Variants in NCALD observed in about 807,000 individuals in gnomAD.
NCALD encodes neurocalcin-delta.
NCALD carries 10 observed loss-of-function variants against 18.6 expected under a neutral mutation model. The ratio of observed to expected loss-of-function variants is 0.54; its 90% CI spans 0.33 to 0.91. The LOEUF (loss-of-function observed/expected upper bound fraction) is 0.91, where lower values mean the gene tolerates loss of function less well. Among genes scored for constraint, NCALD ranks in the 40% least tolerant of loss-of-function variants. NCALD has a pLI of 0.03. For synonymous variants in NCALD, 88 were observed against 87.4 expected, an observed-to-expected ratio of 1.01 and a Z score of -0.04; for missense variants, 184 against 247.6, an observed-to-expected ratio of 0.74 and a Z score of 1.72.
Position 101,781,698 on chromosome 8 carries a change from C to T in NCALD, c.-20+9164G>A, listed in dbSNP as rs1812018734. On this transcript the variant is annotated intron_variant, in intron 1 of 3. Transcript: ENST00000220931. ...AGGGACAGTACTAATCTGTGTGCTA[C>T]TAGAGTGAAATTATCATCAATATCA... 2.0e-5 allele frequency among the ~76,000 whole-genome samples: 3 copies of T among 152,254 alleles called. No homozygotes were observed. In the South Asian group the frequency reaches 6.2e-4, roughly 32 times the overall value.
At chr8:101,907,555 AAATAG>A (rs1817651707) in intron 3 of NCALD, among the ~76,000 whole-genome samples, 1 of 151,618 alleles carries the variant, frequency 6.6e-6, no homozygotes, top group East Asian at 1.9e-4. Context: ...TTATTTAATA[AAATAG>A]TGGCACTTAG....
chr8:101,815,611 C>T (rs1813466280), intron 4 of NCALD, among the ~76,000 whole-genome samples: 1 of 152,102 alleles, frequency 6.6e-6, no homozygotes, highest in Admixed American at 6.6e-5. Flanking sequence ...TACAACACAT[C>T]TATTAGAACG....
intron 1 of NCALD, among the ~76,000 whole-genome samples, chr8:102,045,140 G>A (rs2132194103): frequency 6.6e-6 from 1 of 152,316 alleles, no homozygotes; most frequent in East Asian, 1.9e-4. Context: ...ATAACTAGAA[G>A]GAATCAAGTT....
chr8:101,854,158 G>A (rs888650547), intron 4 of NCALD, among the ~76,000 whole-genome samples: 6 of 152,150 alleles, frequency 3.9e-5, no homozygotes, highest in African/African-American at 1.4e-4. Flanking sequence ...ATTCCCTTAT[G>A]CCAACGAGGT....
At chr8:101,990,510 C>T (rs867333312) in intron 2 of NCALD, among the ~76,000 whole-genome samples, 2 of 152,108 alleles carry the variant, frequency 1.3e-5, no homozygotes, top group African/African-American at 2.4e-5. Context: ...CGGGGGGACC[C>T]GGTAGGAGGT....
chr8:101,811,953 T>G (rs1263637302), intron 4 of NCALD, among the ~76,000 whole-genome samples: 1 of 152,214 alleles, frequency 6.6e-6, no homozygotes, highest in Non-Finnish European at 1.5e-5. Context: ...ATCAAAGAAC[T>G]GCACTGCTCT....
At chr8:101,871,044 G>A (rs576504253) in intron 4 of NCALD, among the ~76,000 whole-genome samples, 3 of 152,026 alleles carry the variant, frequency 2.0e-5, no homozygotes, top group Non-Finnish European at 4.4e-5. Context: ...CCTAGTTGAG[G>A]TTCTAGAAAA....
At chr8:102,111,561 A>C (rs1335546720) in intron 1 of NCALD, among the ~76,000 whole-genome samples, 1 of 152,090 alleles carries the variant, frequency 6.6e-6, no homozygotes, top group African/African-American at 2.4e-5. Flanking sequence ...ATAACAACGC[A>C]AAAGAGTGAG....
chr8:101,739,515 C>G (rs1349214516), intron 1 of NCALD, among the ~76,000 whole-genome samples: 1 of 152,114 alleles, frequency 6.6e-6, no homozygotes, highest in African/African-American at 2.4e-5. Context: ...GAGAGGCAGA[C>G]CCATCCTCAA....
chr8:102,105,949 C>T (rs1025933755), intron 1 of NCALD, among the ~76,000 whole-genome samples: 1 of 152,144 alleles, frequency 6.6e-6, no homozygotes, highest in African/African-American at 2.4e-5. Flanking sequence ...GGAACAGTGT[C>T]TGGCACATAG....
chr8:101,798,668 A>G (rs1019633131), intron 4 of NCALD, among the ~76,000 whole-genome samples: 4 of 152,244 alleles, frequency 2.6e-5, no homozygotes, highest in African/African-American at 9.6e-5. Context: ...TCTGAAATTT[A>G]TTTTGAAAAA....
intron 1 of NCALD, among the ~76,000 whole-genome samples, chr8:102,119,268 T>G (rs1049728477): frequency 5.3e-5 from 8 of 152,206 alleles, no homozygotes; most frequent in Non-Finnish European, 1.2e-4. Flanking sequence ...CTGCCCATGT[T>G]ACAACACGGA....
chr8:101,967,586 CA>C (rs1820077469), intron 2 of NCALD, among the ~76,000 whole-genome samples: 1 of 152,178 alleles, frequency 6.6e-6, no homozygotes, highest in African/African-American at 2.4e-5. Flanking sequence ...GAGACAACTA[CA>C]GTTTTGCTGC....
intron 1 of NCALD, among the ~76,000 whole-genome samples, chr8:102,062,228 A>G (rs1421443001): frequency 6.6e-6 from 1 of 152,240 alleles, no homozygotes; most frequent in Non-Finnish European, 1.5e-5. Flanking sequence ...CCTTGAGTCC[A>G]GGAGTTCAAG....
chr8:102,015,389 A>G (rs1054952688), intron 2 of NCALD, among the ~76,000 whole-genome samples: 2 of 152,210 alleles, frequency 1.3e-5, no homozygotes, highest in African/African-American at 4.8e-5. Context: ...AGCCAACCCA[A>G]GAAAAGAATA....
intron 4 of NCALD, among the ~76,000 whole-genome samples, chr8:101,804,342 T>TATATTATATATAATTATATCAATTAC (rs1282208164): frequency 2.3e-5 from 3 of 129,302 alleles, no homozygotes; most frequent in Non-Finnish European, 4.7e-5. Context: ...ATATCAATTA[T>TATATTATATATAATTATATCAATTAC]ATATTATATA....
intron 1 of NCALD, among the ~76,000 whole-genome samples, chr8:102,030,886 T>C (rs1308327740): frequency 6.7e-6 from 1 of 149,222 alleles, no homozygotes; most frequent in Non-Finnish European, 1.5e-5. Context: ...AAAAAATAAA[T>C]AAATAAATAA....
intron 1 of NCALD, among the ~76,000 whole-genome samples, chr8:101,776,642 G>A (rs935969776): frequency 2.6e-5 from 4 of 152,170 alleles, no homozygotes; most frequent in East Asian, 3.9e-4. Context: ...GGCAACAGGG[G>A]CCCAAGGACA....
intron 3 of NCALD, among the ~76,000 whole-genome samples, chr8:101,889,290 G>C (rs566126445): frequency 3.7e-4 from 56 of 152,326 alleles, no homozygotes; most frequent in Non-Finnish European, 7.4e-4. Flanking sequence ...TGTTACATGA[G>C]AAAAAGTAAA....
Sources: allele counts gnomAD v4.1 joint callset (sites outside exome capture counted in the v4.1 genomes callset), GRCh38; gene constraint gnomAD v4.1.1; transcripts MANE v1.5; gene names NCBI Gene and HGNC (gene_info 2026-07-23, HGNC 2026-07-21).